Variants in CACNA1C observed in about 807,000 individuals in gnomAD.
CACNA1C encodes voltage-dependent L-type calcium channel subunit alpha-1C.
A neutral mutation model predicts 229.0 loss-of-function variants in CACNA1C; 30 were observed. The observed-to-expected ratio is 0.13, with a 90% CI of 0.10 to 0.18. The LOEUF (loss-of-function observed/expected upper bound fraction) is 0.18, where lower values mean the gene tolerates loss of function less well. Among genes scored for constraint, CACNA1C ranks in the 10% least tolerant of loss-of-function variants. The pLI, the probability that CACNA1C is intolerant of heterozygous loss-of-function variation, is 1.00. For synonymous variants in CACNA1C, 1,114 were observed against 1,132.5 expected, an observed-to-expected ratio of 0.98 and a Z score of 0.33; for missense variants, 1,658 against 2,845.0, an observed-to-expected ratio of 0.58 and a Z score of 9.49.
intron 3 of CACNA1C, among the ~76,000 whole-genome samples, chr12:2,208,019 G>T (rs1280014987): frequency 6.6e-6 from 1 of 152,170 alleles, no homozygotes; most frequent in Admixed American, 6.5e-5. Flanking sequence ...AATAGCACAA[G>T]GAGGTACGCA....
intron 45 of CACNA1C, among the ~76,000 whole-genome samples, chr12:2,687,868 G>A (rs945549259): frequency 2.0e-5 from 3 of 152,196 alleles, no homozygotes; most frequent in African/African-American, 7.2e-5. Flanking sequence ...TACAGCACCG[G>A]ATTTAACAAT....
At chr12:2,025,328 G>A (rs2047134294) in intron 1 of CACNA1C, among the ~76,000 whole-genome samples, 2 of 152,242 alleles carry the variant, frequency 1.3e-5, no homozygotes, top group Admixed American at 1.3e-4. Context: ...GCACAGCTGG[G>A]GCAGTGCTGT....
chr12:2,651,477 A>G lies in CACNA1C; in HGVS notation c.3946-163A>G. ...CATGGGGCTGGGCTGTCCACTCATT[A>G]AAGTGGGCGGCCGCCCTCCCATCGG... is the stretch of plus-strand genomic sequence containing the variant. On this transcript the variant is annotated intron_variant, in intron 31 of 46. Coordinates refer to ENST00000399655, the MANE Select transcript of CACNA1C (RefSeq NM_000719.7). The surrounding 1 kb of genome is among the most constrained non-coding windows in gnomAD (Gnocchi z 5.4). The G allele has an allele frequency of 1.0e-6, 1 of 957,954 alleles. No individual in the cohort carries two copies. Among genetic ancestry groups the G allele is most frequent in the Non-Finnish European group, 1.6e-6 (1 of 618,766 alleles). 59.3% of individuals were successfully genotyped at this position (957,954 alleles called of 1,614,324 possible). A position where few individuals can be genotyped will look rare whatever the true frequency, so the allele number is the denominator to read the frequency against.
chr12:2,219,304 C>G (rs2060820766), intron 3 of CACNA1C, among the ~76,000 whole-genome samples: 1 of 152,214 alleles, frequency 6.6e-6, no homozygotes, highest in Non-Finnish European at 1.5e-5. Flanking sequence ...CTGCCTGTTT[C>G]CTTCTTGACT....
rs112132810 is a variant in CACNA1C, at chr12:2,160,351, T to C, written c.477+39921T>C. On this transcript the variant is annotated intron_variant, in intron 3 of 46. Transcript: ENST00000399655. ...CTGAATAAACATGGTAACTGTGACA[T>C]GTACTCACTTTCTCTCTCCTGTCTC... Among the ~76,000 whole-genome samples, 697 of 152,304 alleles carry C rather than the reference T, an allele frequency of 4.6e-3. 6 individuals carry two copies. Among genetic ancestry groups the C allele is most frequent in the African/African-American group, 0.016 (657 of 41,558 alleles).
intron 3 of CACNA1C, among the ~76,000 whole-genome samples, chr12:2,259,918 A>G (rs1296303881): frequency 6.6e-6 from 1 of 152,126 alleles, no homozygotes; most frequent in Non-Finnish European, 1.5e-5. Flanking sequence ...CCTGGGTGAC[A>G]GAAAGCACTA....
chr12:2,588,609 T>C (rs1330099841), intron 18 of CACNA1C, among the ~76,000 whole-genome samples: 4 of 152,192 alleles, frequency 2.6e-5, no homozygotes, highest in Non-Finnish European at 5.9e-5. Flanking sequence ...CTGTTTCTAA[T>C]TCAACAAGGG....
At chr12:2,080,240 TGACAGAGTGA>T (rs1456225601) in intron 1 of CACNA1C, among the ~76,000 whole-genome samples, 1 of 150,470 alleles carries the variant, frequency 6.6e-6, no homozygotes, top group African/African-American at 2.5e-5. Flanking sequence ...CCAGACTGGA[TGACAGAGTGA>T]GACCCTGTCT....
At chr12:2,064,323 C>A (rs1290161158) in intron 1 of CACNA1C, among the ~76,000 whole-genome samples, 1 of 152,210 alleles carries the variant, frequency 6.6e-6, no homozygotes, top group Non-Finnish European at 1.5e-5. Flanking sequence ...AGTCCAGGAG[C>A]ACCCATGTCT....
At chr12:2,189,365 G>A (rs2097144153) in intron 3 of CACNA1C, among the ~76,000 whole-genome samples, 1 of 152,184 alleles carries the variant, frequency 6.6e-6, no homozygotes. Flanking sequence ...AGAGGAATGG[G>A]GAAGAACTGA....
chr12:2,462,910 ATTTT>A (rs147569410), intron 5 of CACNA1C, among the ~76,000 whole-genome samples: 2 of 120,940 alleles, frequency 1.7e-5, no homozygotes, highest in Admixed American at 1.8e-4. Flanking sequence ...CAAAAGTTGC[ATTTT>A]TTTTTTTTTT....
At chr12:2,331,184 AT>A (rs2096535574) in intron 3 of CACNA1C, among the ~76,000 whole-genome samples, 2 of 152,362 alleles carry the variant, frequency 1.3e-5, no homozygotes, top group South Asian at 4.1e-4. Flanking sequence ...AAAAATTCTA[AT>A]TTAAAAAGAA....
intron 11 of CACNA1C, among the ~76,000 whole-genome samples, chr12:2,563,574 G>A (rs1382553290): frequency 6.6e-6 from 1 of 152,200 alleles, no homozygotes; most frequent in South Asian, 2.1e-4. Context: ...CTGCAGTCCT[G>A]AAGAAAGAGT....
At chr12:2,019,781 A>T (rs2046116354) in intron 1 of CACNA1C, 1 of 152,188 alleles carries the variant, frequency 6.6e-6, no homozygotes. Context: ...ATATGTACCT[A>T]CATGTATTTA....
At chr12:2,637,243 T>C (rs113196809) in intron 30 of CACNA1C, among the ~76,000 whole-genome samples, 5 of 152,278 alleles carry the variant, frequency 3.3e-5, no homozygotes, top group South Asian at 2.1e-4. Flanking sequence ...GTTTTGAAGC[T>C]CAAATAAGAG....
At chr12:2,626,859 C>T (rs2086949714) in intron 29 of CACNA1C, among the ~76,000 whole-genome samples, 1 of 152,160 alleles carries the variant, frequency 6.6e-6, no homozygotes, top group Admixed American at 6.5e-5. Flanking sequence ...TGCATAGTTA[C>T]AGGCCTCTAG....
chr12:2,676,040 T>G (rs1341091697), intron 39 of CACNA1C: 1 of 152,194 alleles, frequency 6.6e-6, no homozygotes, highest in African/African-American at 2.4e-5. Context: ...CTGACAACAT[T>G]TCTGTGAAGT....
chr12:1,976,911 A>G (rs957013367), intron 1 of CACNA1C, among the ~76,000 whole-genome samples: 1 of 152,122 alleles, frequency 6.6e-6, no homozygotes, highest in African/African-American at 2.4e-5. Context: ...GAAGGAAAAA[A>G]GGGAAGAAGA....
intron 3 of CACNA1C, among the ~76,000 whole-genome samples, chr12:2,270,979 G>GAC (rs2084716195): frequency 6.6e-6 from 1 of 152,174 alleles, no homozygotes; most frequent in Non-Finnish European, 1.5e-5. Context: ...GAGGGCTGGT[G>GAC]GCCTGTTGCT....
Sources: allele counts gnomAD v4.1 joint callset (sites outside exome capture counted in the v4.1 genomes callset), GRCh38; gene constraint gnomAD v4.1.1; non-coding constraint Gnocchi (gnomAD v3.1); transcripts MANE v1.5; gene names NCBI Gene and HGNC (gene_info 2026-07-23, HGNC 2026-07-21).